The following TMC2 variants were observed in gnomAD, a reference collection of about 807,000 sequenced individuals.
TMC2 encodes the protein transmembrane channel like 2, also known as transmembrane channel-like protein 2.
TMC2 carries 102 observed loss-of-function variants against 105.9 expected under a neutral mutation model. The ratio of observed to expected loss-of-function variants is 0.96; its 90% CI spans 0.82 to 1.14. The LOEUF (loss-of-function observed/expected upper bound fraction) is 1.14, where lower values mean the gene tolerates loss of function less well. TMC2 is among the 50% of genes most tolerant of loss of function. The pLI is 0.00. For missense variants in TMC2, 1,093 were observed against 1,134.3 expected (o/e 0.96, Z 0.52); for synonymous variants, 402 against 422.8 (o/e 0.95, Z 0.60).
intron 8 of TMC2, 67 bp from the exon 9 acceptor site, chr20:2,594,758 A>G: frequency 4.1e-6 from 6 of 1,473,634 alleles, no homozygotes; most frequent in Non-Finnish European, 5.6e-6. Context: ...CTGGTAGAGT[A>G]GACATGTCTG....
intron 17 of TMC2, among the ~76,000 whole-genome samples, chr20:2,629,528 G>GGAAAAAA (rs1600140938): frequency 5.9e-5 from 1 of 16,878 alleles, no homozygotes; most frequent in Non-Finnish European, 1.3e-4. Flanking sequence ...TCTTACAGAA[G>GGAAAAAA]TAAAAAAAAA....
intron 5 of TMC2, among the ~76,000 whole-genome samples, chr20:2,576,869 A>G (rs1196966637): frequency 6.6e-6 from 1 of 151,588 alleles, no homozygotes; most frequent in East Asian, 1.9e-4. Flanking sequence ...AAATAGTCAA[A>G]GAGTATTTTT....
chr20:2,574,288 G>T (rs2086127012), intron 5 of TMC2, among the ~76,000 whole-genome samples: 1 of 152,040 alleles, frequency 6.6e-6, no homozygotes, highest in Admixed American at 6.6e-5. Context: ...TTTTATTTAT[G>T]ATTTTTACAT....
At chr20:2,632,878 T>TGGGTGTGGCTG (rs2086613918) in intron 17 of TMC2, among the ~76,000 whole-genome samples, 1 of 152,238 alleles carries the variant, frequency 6.6e-6, no homozygotes, top group Non-Finnish European at 1.5e-5. Context: ...CGTGAGCCAC[T>TGGGTGTGGCTG]GCACCCAGCC....
chr20:2,639,141 C>T (rs964354665), intron 19 of TMC2, among the ~76,000 whole-genome samples: 4 of 152,172 alleles, frequency 2.6e-5, no homozygotes, highest in African/African-American at 7.2e-5. Flanking sequence ...GTGATCCGCC[C>T]GCCTCGGCCT....
Position 2,617,095 on chromosome 20 carries a change from G to T in TMC2, c.1964G>T (p.Gly655Val), listed in dbSNP as rs375825375. The T allele has an allele frequency of 9.7e-5, 156 of 1,614,078 alleles. No individual in the cohort carries two copies. Among genetic ancestry groups the T allele is most frequent in the Non-Finnish European group, 1.2e-4 (146 of 1,180,046 alleles). ...MIWMGSFYAPGLVGINVLRLL... is the reference protein window; with the variant it reads ...MIWMGSFYAPVLVGINVLRLL... ...AGGATGGGCTCCTTCTATGCTCCAG[G>T]CCTGGTGGGCATTAATGTGCTGCGC... The change falls in exon 16 of 20, where the codon GGC becomes GTC. Residue 655 changes from glycine to valine, a missense_variant. Coordinates refer to ENST00000358864, the MANE Select transcript of TMC2 (RefSeq NM_080751.3).
intron 9 of TMC2, among the ~76,000 whole-genome samples, chr20:2,596,542 A>C (rs1346125471): frequency 6.6e-6 from 1 of 151,604 alleles, no homozygotes; most frequent in Non-Finnish European, 1.5e-5. Context: ...CTGAGACAGG[A>C]GAATTGCTTA....
In TMC2 at chr20:2,617,310, A is replaced by G; in HGVS notation, c.2179A>G (p.Ser727Gly). The G allele has an allele frequency of 6.2e-7, 1 of 1,614,152 alleles. No individual in the cohort carries two copies. The highest frequency in any genetic ancestry group is 8.5e-7 in the Non-Finnish European group (1 of 1,179,988). The change falls in exon 16 of 20, where the codon AGT (serine) becomes GGT (glycine). Residue 727 changes from serine (S) to glycine (G), a missense_variant and splice_region_variant. By Grantham distance (56) the Ser-to-Gly change is moderately conservative. Coordinates refer to ENST00000358864, the MANE Select transcript of TMC2 (RefSeq NM_080751.3). ...LPPSFDCGPFSGKNRMYDVLQ... is the reference protein window; with the variant it reads ...LPPSFDCGPFGGKNRMYDVLQ... ...ACCCTCCTTTGACTGCGGGCCGTTCAGGTGCAGAGTCTCAGTTGCCCGGGA... is the reference window on the plus strand; with the variant it reads ...ACCCTCCTTTGACTGCGGGCCGTTCGGGTGCAGAGTCTCAGTTGCCCGGGA...
rs375552827 is a variant in TMC2 at position 2,633,958 on chromosome 20, CTT to C, written c.2307-1966_2307-1965del. The stretch of plus-strand genomic sequence containing the variant: ...TAAGGAAGAGAGGATTTTCAGAAGT[CTT>C]TGCCAATTTTGCTGACATCTGGATT... On this transcript the variant is annotated intron_variant, in intron 17 of 19. Coordinates refer to ENST00000358864, the MANE Select transcript of TMC2 (RefSeq NM_080751.3). Among the ~76,000 whole-genome samples, 14 of 152,322 alleles carry C rather than the reference CTT, an allele frequency of 9.2e-5. No individual in the cohort carries two copies. In the East Asian group the frequency reaches 2.5e-3, roughly 27 times the overall value.
intron 16 of TMC2, among the ~76,000 whole-genome samples, chr20:2,622,695 GAAAGA>G (rs906581522): frequency 6.7e-6 from 1 of 149,982 alleles, no homozygotes; most frequent in Admixed American, 6.7e-5. Flanking sequence ...AAAAAAGAAA[GAAAGA>G]AAAGAAAAGA....
intron 3 of TMC2, among the ~76,000 whole-genome samples, chr20:2,560,196 C>T (rs2086015666): frequency 6.6e-6 from 1 of 151,822 alleles, no homozygotes; most frequent in Non-Finnish European, 1.5e-5. Flanking sequence ...TCCAACACCC[C>T]AAACTGTGGG....
chr20:2,601,001 A>G (rs745370116), intron 10 of TMC2, among the ~76,000 whole-genome samples: 24 of 151,748 alleles, frequency 1.6e-4, no homozygotes, highest in African/African-American at 4.3e-4. Context: ...AAAAAAAAAA[A>G]AAAAGAAAAA....
rs2086276478 is a variant in TMC2, at chr20:2,592,468, T to C, written c.933+60T>C. On this transcript the variant is annotated intron_variant, in intron 8 of 19. Transcript: ENST00000358864. This position sits in a 1 kb window ranked among gnomAD's most constrained non-coding sequence, Gnocchi z 4.9. ...GTGATTATAAAGGCTAAAGATTGCA[T>C]GGATAAGTATGAAATAGTGCGTTTA... 2 of 1,135,530 alleles carry C rather than the reference T, an allele frequency of 1.8e-6. No homozygotes were observed. 70.3% of individuals were successfully genotyped at this position (1,135,530 alleles called of 1,614,324 possible). A position where few individuals can be genotyped will look rare whatever the true frequency, so the allele number is the denominator to read the frequency against.
At chr20:2,622,730 A>G (rs1302536706) in intron 16 of TMC2, among the ~76,000 whole-genome samples, 1 of 152,050 alleles carries the variant, frequency 6.6e-6, no homozygotes, top group African/African-American at 2.4e-5. Flanking sequence ...AAAACAGGTA[A>G]CAAGCTGAAT....
rs1235130697 is a variant in TMC2 at position 2,616,821 on chromosome 20, GC to G, written c.1941-250del. 6.6e-6 allele frequency among the ~76,000 whole-genome samples: 1 copy of G among 152,240 alleles called. No individual in the cohort carries two copies. The highest frequency in any genetic ancestry group is 1.5e-5 in the Non-Finnish European group (1 of 68,032). ...CGTATAATTTGCTAGATGCCTGGGGGCGAGTCAGTGGTAAAATCTTGGCCAG... is the reference window on the plus strand; with the variant it reads ...CGTATAATTTGCTAGATGCCTGGGGGGAGTCAGTGGTAAAATCTTGGCCAG... On this transcript the variant is annotated intron_variant, in intron 15 of 19. Transcript: ENST00000358864. This position sits in a 1 kb window ranked among gnomAD's most constrained non-coding sequence, Gnocchi z 4.8.
At position 2,617,222 on chromosome 20, in the gene TMC2, C is replaced by T; in HGVS notation, c.2091C>T (p.Gly697=). The T allele has an allele frequency of 6.2e-7, 1 of 1,614,208 alleles. No homozygotes were observed. The highest frequency in any genetic ancestry group is 8.5e-7 in the Non-Finnish European group (1 of 1,180,030). Residue 697 remains glycine, a synonymous_variant, in exon 16 of 20, where the codon GGC becomes GGT. Transcript: ENST00000358864. ...CCCGATCCAACAACTTCTACATGGG[C>T]CTCCTGCTGCTGGTGCTCTTCCTCA... ...KASRSNNFYM[G]LLLLVLFLSL...
Position 2,610,436 on chromosome 20 carries a change from C to T in TMC2, c.1431C>T (p.Ser477=), listed in dbSNP as rs770238816. ...YERNEVEIVM[S]LLGMFCPPLF... is the part of the protein sequence containing the mutation. ...TTCCTCAGGTAGAGATCGTGATGTCCCTGCTTGGAATGTTTTGTCCCCCTC... is the reference window on the plus strand; with the variant it reads ...TTCCTCAGGTAGAGATCGTGATGTCTCTGCTTGGAATGTTTTGTCCCCCTC... The change falls in exon 12 of 20, where the codon TCC becomes TCT. Residue 477 remains serine, a synonymous_variant. Coordinates refer to ENST00000358864, the MANE Select transcript of TMC2 (RefSeq NM_080751.3). 3.7e-6 allele frequency: 6 copies of T among 1,611,824 alleles called. No individual in the cohort carries two copies. Among genetic ancestry groups the T allele is most frequent in the East Asian group, 2.2e-5 (1 of 44,684 alleles).
Position 2,617,314 on chromosome 20 carries a change from G to A in TMC2, c.2180+3G>A, listed in dbSNP as rs776993835. On this transcript the variant is annotated splice_donor_region_variant and intron_variant, in intron 16 of 19. Transcript: ENST00000358864. Reference sequence around the variant, plus strand: ...TCCTTTGACTGCGGGCCGTTCAGGTGCAGAGTCTCAGTTGCCCGGGAGCAC... The same window carrying A: ...TCCTTTGACTGCGGGCCGTTCAGGTACAGAGTCTCAGTTGCCCGGGAGCAC... The A allele has an allele frequency of 4.3e-6, 7 of 1,614,028 alleles. No homozygotes were observed. Among genetic ancestry groups the A allele is most frequent in the Middle Eastern group, 1.6e-4 (1 of 6,084 alleles).
chr20:2,633,335 T>C (rs1315594097), intron 17 of TMC2, among the ~76,000 whole-genome samples: 1 of 152,168 alleles, frequency 6.6e-6, no homozygotes, highest in African/African-American at 2.4e-5. Flanking sequence ...TAAACAGCCC[T>C]GGACAGGCAC....
Sources: allele counts gnomAD v4.1 joint callset (sites outside exome capture counted in the v4.1 genomes callset), GRCh38; gene constraint gnomAD v4.1.1; non-coding constraint Gnocchi (gnomAD v3.1); transcripts MANE v1.5; gene names NCBI Gene and HGNC (gene_info 2026-07-23, HGNC 2026-07-21).